Variants in SPRR2G observed in about 807,000 individuals in gnomAD.
SPRR2G encodes the protein small proline-rich protein 2G.
A neutral mutation model predicts 0.7 loss-of-function variants in SPRR2G; 1 was observed. That is an observed-to-expected ratio of 1.49 (90% CI 0.53 to 7.06). SPRR2G has a LOEUF of 7.06. Ranked by LOEUF, SPRR2G falls within the 30% of genes most tolerant of loss-of-function variation. The pLI is 0.14. For synonymous variants in SPRR2G, 38 were observed against 33.9 expected (o/e 1.12, Z -0.42); for missense variants, 96 against 88.5 (o/e 1.09, Z -0.34).
chr1:153,177,204 G>T, the SPRR2G span, among the ~76,000 whole-genome samples: 3 of 152,044 alleles, frequency 2.0e-5, no homozygotes, highest in Non-Finnish European at 4.4e-5. Context: ...TTTTCTTAAT[G>T]CTAGGCAGTA....
upstream of SPRR2G, among the ~76,000 whole-genome samples, chr1:153,154,245 G>A (rs1656534475): frequency 6.6e-6 from 1 of 151,648 alleles, no homozygotes; most frequent in East Asian, 1.9e-4. Context: ...TCTTTTAATG[G>A]ACTACTAGGT....
chr1:153,186,829 G>C, the SPRR2G span, among the ~76,000 whole-genome samples: 3 of 152,090 alleles, frequency 2.0e-5, no homozygotes, highest in African/African-American at 7.2e-5. Context: ...TTTTGCAGTG[G>C]CTGGTACCAT....
the SPRR2G span, among the ~76,000 whole-genome samples, chr1:153,160,293 T>C: frequency 4.6e-5 from 7 of 152,358 alleles, no homozygotes; most frequent in East Asian, 1.2e-3. Context: ...CCACAATTTT[T>C]CAATTCATTC....
At chr1:153,198,856 A>G in the SPRR2G span, among the ~76,000 whole-genome samples, 9 of 152,174 alleles carry the variant, frequency 5.9e-5, no homozygotes, top group South Asian at 6.2e-4. Flanking sequence ...AATGGTGGAT[A>G]ATAATATCAG....
the SPRR2G span, among the ~76,000 whole-genome samples, chr1:153,186,585 TG>T: frequency 3.9e-5 from 6 of 152,322 alleles, 1 homozygote; most frequent in Middle Eastern, 6.8e-3. Flanking sequence ...TTTGAGCCTA[TG>T]TGTGTCTTTG....
chr1:153,152,543 T>A (rs914471169), upstream of SPRR2G, among the ~76,000 whole-genome samples: 4 of 152,212 alleles, frequency 2.6e-5, no homozygotes, highest in Non-Finnish European at 5.9e-5. Flanking sequence ...GCCCTACTAT[T>A]AAATTCTTTC....
At chr1:153,184,773 G>C in the SPRR2G span, among the ~76,000 whole-genome samples, 6 of 152,200 alleles carry the variant, frequency 3.9e-5, no homozygotes, top group Admixed American at 6.5e-5. Flanking sequence ...GGGCATACTT[G>C]TCTTGTGCAG....
the SPRR2G span, among the ~76,000 whole-genome samples, chr1:153,158,849 T>C: frequency 3.9e-5 from 6 of 152,194 alleles, no homozygotes; most frequent in Non-Finnish European, 7.3e-5. Context: ...ATATGGAAGC[T>C]GCCAAGGTTT....
chr1:153,166,461 T>C, the SPRR2G span, among the ~76,000 whole-genome samples: 18 of 152,272 alleles, frequency 1.2e-4, no homozygotes, highest in African/African-American at 3.8e-4. Context: ...TTTGTTGTTG[T>C]TGTTGTTGTT....
the SPRR2G span, among the ~76,000 whole-genome samples, chr1:153,170,998 C>T: frequency 6.6e-6 from 1 of 152,200 alleles, no homozygotes; most frequent in Non-Finnish European, 1.5e-5. Flanking sequence ...TCAGCTCATT[C>T]CACCCTCTTT....
At chr1:153,200,700 ATT>A in the SPRR2G span, among the ~76,000 whole-genome samples, 757 of 138,380 alleles carry the variant, frequency 5.5e-3, 3 homozygotes, top group African/African-American at 0.012. Context: ...TGAAAGCAGG[ATT>A]TTTTTTTTTT....
chr1:153,164,617 A>G, the SPRR2G span, among the ~76,000 whole-genome samples: 4,069 of 152,326 alleles, frequency 0.027, 175 homozygotes, highest in African/African-American at 0.092. Context: ...GTGTTTGTAT[A>G]TAACCTATAT....
chr1:153,165,018 A>T, the SPRR2G span, among the ~76,000 whole-genome samples: 1 of 152,230 alleles, frequency 6.6e-6, no homozygotes, highest in African/African-American at 2.4e-5. Context: ...GATCAAAGAT[A>T]AAAGTAACTT....
the SPRR2G span, among the ~76,000 whole-genome samples, chr1:153,165,027 T>C: frequency 6.6e-6 from 1 of 152,188 alleles, no homozygotes; most frequent in Admixed American, 6.5e-5. Flanking sequence ...TAAAAGTAAC[T>C]TAGGTCCTCT....
At chr1:153,198,766 A>G in the SPRR2G span, among the ~76,000 whole-genome samples, 6 of 152,174 alleles carry the variant, frequency 3.9e-5, no homozygotes, top group Admixed American at 6.5e-5. Context: ...AGTACATCCA[A>G]TGGATGTTAG....
chr1:153,159,574 T>C, the SPRR2G span, among the ~76,000 whole-genome samples: 1 of 152,224 alleles, frequency 6.6e-6, no homozygotes, highest in Admixed American at 6.5e-5. Context: ...TTTATAGCAG[T>C]ACCCATTCTG....
chr1:153,167,262 G>A, the SPRR2G span, among the ~76,000 whole-genome samples: 13 of 151,704 alleles, frequency 8.6e-5, no homozygotes, highest in African/African-American at 3.2e-4. Flanking sequence ...ATCACCTGAG[G>A]TCAGGAGTTC....
the SPRR2G span, among the ~76,000 whole-genome samples, chr1:153,168,765 C>A: frequency 6.6e-6 from 1 of 152,034 alleles, no homozygotes; most frequent in East Asian, 1.9e-4. Context: ...TCAGATAAAA[C>A]CTGAGAAGGA....
upstream of SPRR2G, among the ~76,000 whole-genome samples, chr1:153,154,454 A>G (rs148931156): frequency 3.4e-4 from 52 of 152,202 alleles, no homozygotes; most frequent in East Asian, 9.3e-3. Flanking sequence ...AATGTTTGGT[A>G]GAGTTTACTA....
Sources: allele counts gnomAD v4.1 joint callset (sites outside exome capture counted in the v4.1 genomes callset), GRCh38; gene constraint gnomAD v4.1.1; transcripts MANE v1.5; gene names NCBI Gene and HGNC (gene_info 2026-07-23, HGNC 2026-07-21).